Variants in IL15RA observed in about 807,000 individuals in gnomAD.
IL15RA encodes interleukin 15 receptor subunit alpha.
A neutral mutation model predicts 24.2 loss-of-function variants in IL15RA; 26 were observed. That is an observed-to-expected ratio of 1.07 (90% CI 0.79 to 1.49). The LOEUF (loss-of-function observed/expected upper bound fraction) is 1.49, where lower values mean the gene tolerates loss of function less well. Ranked by LOEUF, IL15RA falls within the 40% of genes most tolerant of loss-of-function variation. IL15RA has a pLI of 0.00. For synonymous variants in IL15RA, 166 were observed against 157.6 expected (o/e 1.05, Z -0.40); for missense variants, 354 against 356.4 (o/e 0.99, Z 0.05).
At position 5,971,759 on chromosome 10, in the gene IL15RA, T is replaced by G. The variant is rs971122215; in HGVS notation, c.89-5420A>C. ...TGAAATGTCAGCCAAGTCAACACAC[T>G]TCCTTTTGGAGTTCCCAAAAAGTAC... On this transcript the variant is annotated intron_variant, in intron 1 of 6. Transcript: ENST00000379977. The surrounding 1 kb of genome is among the most constrained non-coding windows in gnomAD (Gnocchi z 5.5). 1.3e-5 allele frequency among the ~76,000 whole-genome samples: 2 copies of G among 152,210 alleles called. No homozygotes were observed. Among genetic ancestry groups the G allele is most frequent in the African/African-American group, 2.4e-5 (1 of 41,452 alleles).
chr10:5,949,805 T>C (rs1034728472), downstream of IL15RA, among the ~76,000 whole-genome samples: 1 of 151,522 alleles, frequency 6.6e-6, no homozygotes, highest in Non-Finnish European at 1.5e-5. This position sits in a 1 kb window ranked among gnomAD's most constrained non-coding sequence, Gnocchi z 4.4. Context: ...GAGTTAAGAG[T>C]CTTATTTCTT....
chr10:5,951,781 C>T (rs1056998437), downstream of IL15RA, among the ~76,000 whole-genome samples: 6 of 152,040 alleles, frequency 3.9e-5, no homozygotes, highest in Admixed American at 1.3e-4. Context: ...GCTGAGATCT[C>T]GCCATTGCAC....
At position 5,975,376 on chromosome 10, in the gene IL15RA, G is replaced by T. The variant is rs1468892860; in HGVS notation, c.88+2029C>A. ...GTAATTCTATTTATAAAAAATTTTA[G>T]AAAGTGCATCAAATTGCCTGGGAGA... On this transcript the variant is annotated intron_variant, in intron 1 of 6. Transcript: ENST00000379977. The surrounding 1 kb of genome is among the most constrained non-coding windows in gnomAD (Gnocchi z 4.8). Among the ~76,000 whole-genome samples, 1 of 152,076 alleles carries T rather than the reference G, an allele frequency of 6.6e-6. No homozygotes were observed. The highest frequency in any genetic ancestry group is 2.4e-5 in the African/African-American group (1 of 41,398).
chr10:5,972,192 C>G (rs894305965), intron 1 of IL15RA, among the ~76,000 whole-genome samples: 6 of 152,106 alleles, frequency 3.9e-5, no homozygotes, highest in African/African-American at 1.2e-4. Flanking sequence ...AGTAATGCTC[C>G]CCTGCACAGA....
At chr10:5,977,697 C>A, upstream of IL15RA, 1 of 1,205,098 alleles carries the variant, frequency 8.3e-7, no homozygotes, top group Non-Finnish European at 1.0e-6. Flanking sequence ...GAAGGAGCCC[C>A]GCCGGCCGCC....
chr10:5,973,297 T>G lies in IL15RA; in HGVS notation c.88+4108A>C, dbSNP rs906789700. Among the ~76,000 whole-genome samples the G allele has an allele frequency of 1.1e-4, 17 of 152,248 alleles. No homozygotes were observed. The highest frequency in any genetic ancestry group is 4.1e-4 in the African/African-American group (17 of 41,466). ...TGGTATATCTCTCCATTGATTTTGT[T>G]CCTTAATTTCTCTAAGCAATGCTTT... On this transcript the variant is annotated intron_variant, in intron 1 of 6. Coordinates refer to ENST00000379977, the MANE Select transcript of IL15RA (RefSeq NM_002189.4). This position sits in a 1 kb window ranked among gnomAD's most constrained non-coding sequence, Gnocchi z 4.5.
intron 1 of IL15RA, among the ~76,000 whole-genome samples, chr10:5,969,534 A>G (rs980818496): frequency 6.6e-6 from 1 of 152,032 alleles, no homozygotes; most frequent in Non-Finnish European, 1.5e-5. Context: ...CACCATGCCC[A>G]GCTAGTTATT....
chr10:5,953,303 G>A lies in IL15RA; in HGVS notation c.693-97C>T. The stretch of plus-strand genomic sequence containing the variant: ...TGAGCATGTATGTCCAGCACTGCGG[G>A]GATGGCAGGAGCAGACAGAGGCCCT... On this transcript the variant is annotated intron_variant, in intron 6 of 6. Coordinates refer to ENST00000379977, the MANE Select transcript of IL15RA (RefSeq NM_002189.4). The surrounding 1 kb of genome is among the most constrained non-coding windows in gnomAD (Gnocchi z 5.3). 2 of 876,598 alleles carry A rather than the reference G, an allele frequency of 2.3e-6. No homozygotes were observed. Among genetic ancestry groups the A allele is most frequent in the East Asian group, 2.5e-5 (1 of 39,686 alleles). The allele number at this position is 876,598 out of a possible 1,614,324, so 54.3% of individuals were successfully genotyped here. A position where few individuals can be genotyped will look rare whatever the true frequency, so the allele number is the denominator to read the frequency against.
intron 1 of IL15RA, among the ~76,000 whole-genome samples, chr10:5,974,008 G>GAAA (rs142005407): frequency 7.1e-6 from 1 of 141,198 alleles, no homozygotes; most frequent in Admixed American, 7.1e-5. Flanking sequence ...GACAGAGTCA[G>GAAA]AAAAAAAAAA....
In IL15RA at chr10:5,958,458, T is replaced by C; in HGVS notation, c.616+1296A>G. 1 of 273,324 alleles carries C rather than the reference T, an allele frequency of 3.7e-6. No individual in the cohort carries two copies. Among genetic ancestry groups the C allele is most frequent in the South Asian group, 3.2e-5 (1 of 31,338 alleles). The allele number at this position is 273,324 out of a possible 1,614,324, so 16.9% of individuals were successfully genotyped here. On this transcript the variant is annotated intron_variant, in intron 5 of 6. Coordinates refer to ENST00000379977, the MANE Select transcript of IL15RA (RefSeq NM_002189.4). This position sits in a 1 kb window ranked among gnomAD's most constrained non-coding sequence, Gnocchi z 4.3. The stretch of plus-strand genomic sequence containing the variant: ...CAGAGTGCAGTGGTGTGATCACAGC[T>C]CACTGCAACCTCTGCCTCCTGGGTT...
In IL15RA at chr10:5,970,095, T is replaced by G. The variant is rs1837332444; in HGVS notation, c.89-3756A>C. 6.6e-6 allele frequency among the ~76,000 whole-genome samples: 1 copy of G among 152,222 alleles called. No individual in the cohort carries two copies. The highest frequency in any genetic ancestry group is 1.5e-5 in the Non-Finnish European group (1 of 68,044). ...ATGATTTCCTATGGAGATGATCACA[T>G]CATAGATTCTCTGAGTATGTTTTAT... is the stretch of plus-strand genomic sequence containing the variant. On this transcript the variant is annotated intron_variant, in intron 1 of 6. Coordinates refer to ENST00000379977, the MANE Select transcript of IL15RA (RefSeq NM_002189.4). The surrounding 1 kb of genome is among the most constrained non-coding windows in gnomAD (Gnocchi z 4.1).
Position 5,960,496 on chromosome 10 carries a change from G to C in IL15RA, c.454C>G (p.Leu152Val). 1 of 1,614,188 alleles carries C rather than the reference G, an allele frequency of 6.2e-7. No homozygotes were observed. The highest frequency in any genetic ancestry group is 8.5e-7 in the Non-Finnish European group (1 of 1,180,026). Residue 152 changes from leucine (L) to valine (V), a missense_variant, in exon 4 of 7, where the codon CTG becomes GTG. Coordinates refer to ENST00000379977, the MANE Select transcript of IL15RA (RefSeq NM_002189.4). This position sits in a 1 kb window ranked among gnomAD's most constrained non-coding sequence, Gnocchi z 5.1. ...GTGGAAGGTGATTTTGAAGGCATCAGCTGGGAGCCCGGGACAATAGCTGCT... is the reference window on the plus strand; with the variant it reads ...GTGGAAGGTGATTTTGAAGGCATCACCTGGGAGCCCGGGACAATAGCTGCT... The part of the protein sequence containing the change: ...TTAAIVPGSQ[L>V]MPSKSPSTGT...
At chr10:5,952,339 T>C (rs1833941551), downstream of IL15RA, 1 of 152,762 alleles carries the variant, frequency 6.5e-6, no homozygotes, top group African/African-American at 2.4e-5. Flanking sequence ...TCCTCCTTTA[T>C]GTGGAACATT....
chr10:5,977,316 C>G (rs8177631), intron 1 of IL15RA, 89 bp downstream of exon 1: 213,434 of 576,610 alleles, frequency 0.37, 43,423 homozygotes, highest in Non-Finnish European at 0.43. Context: ...CCGCACGGCC[C>G]GGGGAGATGG....
downstream of IL15RA, chr10:5,950,872 T>A (rs2132215322): frequency 6.6e-6 from 1 of 152,402 alleles, no homozygotes. The surrounding 1 kb of genome is among the most constrained non-coding windows in gnomAD (Gnocchi z 5.6). Context: ...GTGTGGTGGC[T>A]CATGCCTGTA....
rs1051377451 is a variant in IL15RA at position 5,971,844 on chromosome 10, A to G, written c.89-5505T>C. 3.9e-5 allele frequency among the ~76,000 whole-genome samples: 6 copies of G among 152,194 alleles called. No individual in the cohort carries two copies. The highest frequency in any genetic ancestry group is 1.9e-4 in the East Asian group (1 of 5,202). ...ATTCTTTTCTTTCTCTCTCAGACTCATTAACTGAGCTTCCTGACCCACCTC... is the reference window on the plus strand; with the variant it reads ...ATTCTTTTCTTTCTCTCTCAGACTCGTTAACTGAGCTTCCTGACCCACCTC... On this transcript the variant is annotated intron_variant, in intron 1 of 6. Coordinates refer to ENST00000379977, the MANE Select transcript of IL15RA (RefSeq NM_002189.4). This position sits in a 1 kb window ranked among gnomAD's most constrained non-coding sequence, Gnocchi z 5.5.
At chr10:5,976,332 G>A (rs138276366) in intron 1 of IL15RA, among the ~76,000 whole-genome samples, 1 of 152,220 alleles carries the variant, frequency 6.6e-6, no homozygotes, top group Non-Finnish European at 1.5e-5. Flanking sequence ...GCAACTGTGC[G>A]TGGAATGGCT....
chr10:5,958,104 A>T lies in IL15RA; in HGVS notation c.616+1650T>A, dbSNP rs930149623. On this transcript the variant is annotated intron_variant, in intron 5 of 6. Coordinates refer to ENST00000379977, the MANE Select transcript of IL15RA (RefSeq NM_002189.4). This position sits in a 1 kb window ranked among gnomAD's most constrained non-coding sequence, Gnocchi z 4.3. ...GAATGTAGCAATCACATGTCCAGAT[A>T]GGGGGTTGGCTAAATTAATGGTAGG... is the stretch of plus-strand genomic sequence containing the variant. 4.1e-6 allele frequency: 1 copy of T among 245,452 alleles called. No homozygotes were observed. The highest frequency in any genetic ancestry group is 2.2e-5 in the African/African-American group (1 of 44,986). The allele number at this position is 245,452 out of a possible 1,614,324, so 15.2% of individuals were successfully genotyped here.
chr10:5,960,298 G>A lies in IL15RA; in HGVS notation c.583+69C>T, dbSNP rs139504126. ...TGATGGTATAAAGCTGCCTTGTGCC[G>A]GATCTCAGCCCCGATCTCAGAAGCA... On this transcript the variant is annotated intron_variant, in intron 4 of 6. Coordinates refer to ENST00000379977, the MANE Select transcript of IL15RA (RefSeq NM_002189.4). The surrounding 1 kb of genome is among the most constrained non-coding windows in gnomAD (Gnocchi z 5.1). 2,427 of 1,390,838 alleles carry A rather than the reference G, an allele frequency of 1.7e-3. 29 individuals are homozygous for A. In the African/African-American group the frequency reaches 0.025, roughly 14 times the overall value. 86.2% of individuals were successfully genotyped at this position (1,390,838 alleles called of 1,614,324 possible). A position where few individuals can be genotyped will look rare whatever the true frequency, so the allele number is the denominator to read the frequency against.
Sources: allele counts gnomAD v4.1 joint callset (sites outside exome capture counted in the v4.1 genomes callset), GRCh38; gene constraint gnomAD v4.1.1; non-coding constraint Gnocchi (gnomAD v3.1); transcripts MANE v1.5; gene names NCBI Gene and HGNC (gene_info 2026-07-23, HGNC 2026-07-21).